Variants in SCUBE1 observed in about 807,000 individuals in gnomAD.
SCUBE1 encodes the protein signal peptide, CUB domain and EGF like domain containing 1, also known as signal peptide, CUB and EGF-like domain-containing protein 1.
Under a neutral mutation model 124.4 loss-of-function variants are expected in SCUBE1, and 59 were observed. That is an observed-to-expected ratio of 0.47 (90% CI 0.38 to 0.59). The LOEUF is 0.59. SCUBE1 is among the 20% of genes least tolerant of loss of function. The probability of loss-of-function intolerance (pLI) is 0.00; values close to 1 mark genes in which losing one functional copy is unlikely to be tolerated. For synonymous variants in SCUBE1, 545 were observed against 550.9 expected, an observed-to-expected ratio of 0.99 and a Z score of 0.15; for missense variants, 1,150 against 1,371.2, an observed-to-expected ratio of 0.84 and a Z score of 2.55.
At chr22:43,253,739 A>T (rs1923548224) in intron 6 of SCUBE1, among the ~76,000 whole-genome samples, 1 of 152,126 alleles carries the variant, frequency 6.6e-6, no homozygotes, top group African/African-American at 2.4e-5. Flanking sequence ...CCACCCATTT[A>T]CGTGATGCCA....
chr22:43,218,193 C>A (rs1055528690), intron 15 of SCUBE1, 62 bp downstream of exon 15: 1 of 1,544,916 alleles, frequency 6.5e-7, no homozygotes, highest in Non-Finnish European at 8.9e-7. Context: ...CCACTGTTTA[C>A]CCCGGCTCAT....
intron 3 of SCUBE1, among the ~76,000 whole-genome samples, chr22:43,319,363 G>A (rs536856404): frequency 6.6e-6 from 1 of 151,892 alleles, no homozygotes; most frequent in Non-Finnish European, 1.5e-5. Context: ...TCAGTAGCTC[G>A]AGACCAGCCT....
At position 43,261,846 on chromosome 22, in the gene SCUBE1, G is replaced by A. The variant is rs116658536; in HGVS notation, c.610+874C>T. On this transcript the variant is annotated intron_variant, in intron 5 of 21. Coordinates refer to ENST00000360835, the MANE Select transcript of SCUBE1 (RefSeq NM_173050.5). ...TTGTAAAAAGGGCAAATATGACATC[G>A]CTTTGGGTATCCCTGGTGCCCTCAT... is the stretch of plus-strand genomic sequence containing the variant. Among the ~76,000 whole-genome samples the A allele has an allele frequency of 4.5e-3, 690 of 152,292 alleles. 8 individuals carry two copies. The highest frequency in any genetic ancestry group is 0.016 in the African/African-American group (652 of 41,558).
Position 43,203,679 on chromosome 22 carries a change from T to C in SCUBE1, c.*318A>G. The C allele has an allele frequency of 3.9e-6, 1 of 258,828 alleles. No individual in the cohort carries two copies. Among genetic ancestry groups the C allele is most frequent in the Non-Finnish European group, 7.4e-6 (1 of 134,240 alleles). The allele number at this position is 258,828 out of a possible 1,614,324, so 16.0% of individuals were successfully genotyped here. ...CACAGGCCCCACTTCCCCTCTCTCC[T>C]GAAACGCCAGGCCAGGCAGAGGGTC... On this transcript the variant is annotated 3_prime_UTR_variant, in exon 22 of 22. Transcript: ENST00000360835.
chr22:43,292,498 T>C (rs75327112), intron 3 of SCUBE1, among the ~76,000 whole-genome samples: 2,375 of 150,992 alleles, frequency 0.016, 21 homozygotes, highest in Non-Finnish European at 0.024. Context: ...TAGGCAAATA[T>C]ATAAAACCAC....
At position 43,203,843 on chromosome 22, in the gene SCUBE1, GC is replaced by G; in HGVS notation, c.*153del. On this transcript the variant is annotated 3_prime_UTR_variant, in exon 22 of 22. Transcript: ENST00000360835. ...CACAGGGGCAGCGGGTCCGAAGGGT[GC>G]CTGGGCTCGGTCTCCATGGGCTGGT... The G allele has an allele frequency of 1.3e-6, 1 of 743,662 alleles. No homozygotes were observed. 46.1% of individuals were successfully genotyped at this position (743,662 alleles called of 1,614,324 possible).
chr22:43,332,220 G>A (rs1569034658), intron 2 of SCUBE1, among the ~76,000 whole-genome samples: 1 of 152,112 alleles, frequency 6.6e-6, no homozygotes, highest in African/African-American at 2.4e-5. Flanking sequence ...ACTAGGAGGC[G>A]GAGGTTGCAG....
At chr22:43,303,009 C>G (rs1353209102) in intron 3 of SCUBE1, among the ~76,000 whole-genome samples, 1 of 152,226 alleles carries the variant, frequency 6.6e-6, no homozygotes, top group African/African-American at 2.4e-5. Flanking sequence ...CCCCGGAGCT[C>G]CCACGACACC....
chr22:43,257,377 C>T (rs566847237), intron 6 of SCUBE1, among the ~76,000 whole-genome samples: 40 of 152,312 alleles, frequency 2.6e-4, no homozygotes, highest in African/African-American at 9.1e-4. Flanking sequence ...GGTTGAACTC[C>T]GGCACCAACT....
chr22:43,223,241 G>A lies in SCUBE1; in HGVS notation c.1208-25C>T, dbSNP rs376607625. ...TCTATGAAGGGAGATACGAGAGAGG[G>A]CTGAGAGAGGCCAGGGCGGAGGCTT... On this transcript the variant is annotated intron_variant, in intron 10 of 21. Transcript: ENST00000360835. 5 of 1,555,752 alleles carry A rather than the reference G, an allele frequency of 3.2e-6. No homozygotes were observed. The African/African-American group carries it at 4.2e-5, about 13-fold the overall frequency.
intron 8 of SCUBE1, among the ~76,000 whole-genome samples, chr22:43,229,850 C>T (rs1004719197): frequency 1.1e-4 from 17 of 152,120 alleles, no homozygotes; most frequent in African/African-American, 3.9e-4. Flanking sequence ...TGACTGGAGA[C>T]AAGTCTGTCC....
At chr22:43,323,817 A>G (rs1474380449) in intron 2 of SCUBE1, among the ~76,000 whole-genome samples, 5 of 152,222 alleles carry the variant, frequency 3.3e-5, no homozygotes, top group South Asian at 2.1e-4. Context: ...CTTACAAAAT[A>G]CATACAACAA....
At chr22:43,284,057 C>A (rs1382452675) in intron 4 of SCUBE1, among the ~76,000 whole-genome samples, 4 of 152,256 alleles carry the variant, frequency 2.6e-5, no homozygotes, top group Non-Finnish European at 4.4e-5. Flanking sequence ...CCCGAGCCCG[C>A]AGGCTCTTAC....
At position 43,340,464 on chromosome 22, in the gene SCUBE1, T is replaced by C. The variant is rs182063044; in HGVS notation, c.89-1229A>G. Reference sequence around the variant, plus strand: ...CCATTCCATCTATACACCCCAAGCCTCTCTCCTTGTCTCTTTTACACACAC... The same window carrying C: ...CCATTCCATCTATACACCCCAAGCCCCTCTCCTTGTCTCTTTTACACACAC... On this transcript the variant is annotated intron_variant, in intron 1 of 21. Transcript: ENST00000360835. Among the ~76,000 whole-genome samples the C allele has an allele frequency of 2.2e-3, 327 of 145,564 alleles. 1 individual carries two copies. Among genetic ancestry groups the C allele is most frequent in the African/African-American group, 8.3e-3 (325 of 38,990 alleles).
At position 43,201,817 on chromosome 22, in the gene SCUBE1, T is replaced by C. The variant is rs1782235882; in HGVS notation, c.*2180A>G. On this transcript the variant is annotated 3_prime_UTR_variant, in exon 22 of 22. Coordinates refer to ENST00000360835, the MANE Select transcript of SCUBE1 (RefSeq NM_173050.5). ...TGGGTTCTGATTCTCTGGAGAACAC[T>C]CGTGAAGAGGCGACACCCCTCCCGG... 6.6e-6 allele frequency: 1 copy of C among 152,208 alleles called. No individual in the cohort carries two copies. The allele number at this position is 152,208 out of a possible 1,614,324, so 9.4% of individuals were successfully genotyped here.
chr22:43,235,087 C>T (rs564252721), intron 7 of SCUBE1, among the ~76,000 whole-genome samples: 40 of 152,320 alleles, frequency 2.6e-4, no homozygotes, highest in Admixed American at 2.4e-3. Flanking sequence ...TTGGGGGTGG[C>T]TGTTCCTGTC....
intron 15 of SCUBE1, among the ~76,000 whole-genome samples, chr22:43,217,500 G>A (rs1479572480): frequency 6.6e-6 from 1 of 151,948 alleles, no homozygotes; most frequent in African/African-American, 2.4e-5. Context: ...GCTCCTCCCC[G>A]TCCTTGCTCC....
At chr22:43,214,278 T>C in intron 15 of SCUBE1, 27 bp from the exon 16 acceptor site, 2 of 1,602,732 alleles carry the variant, frequency 1.2e-6, no homozygotes, top group Non-Finnish European at 8.5e-7. Context: ...GAGAGGCTGC[T>C]GGAGGCAGAG....
intron 6 of SCUBE1, among the ~76,000 whole-genome samples, chr22:43,245,482 G>A (rs770323527): frequency 6.6e-6 from 1 of 152,152 alleles, no homozygotes; most frequent in Non-Finnish European, 1.5e-5. Context: ...GTGGCTGGAC[G>A]CAGGGTGACT....
Sources: gnomAD v4.1 joint callset for allele counts (sites outside exome capture counted in the v4.1 genomes callset) on GRCh38, gnomAD v4.1.1 for gene constraint, MANE v1.5 for transcripts, NCBI Gene and HGNC (gene_info 2026-07-23, HGNC 2026-07-21) for gene names.